Variants in COL8A1 observed in about 807,000 individuals in gnomAD.
The protein encoded by COL8A1 is collagen alpha-1(VIII) chain.
COL8A1 carries 21 observed loss-of-function variants against 42.7 expected under a neutral mutation model. The ratio of observed to expected loss-of-function variants is 0.49; its 90% confidence interval spans 0.35 to 0.71. The LOEUF is 0.71. Among genes scored for constraint, COL8A1 ranks in the 30% least tolerant of loss-of-function variants. COL8A1 has a pLI of 0.01. For synonymous variants in COL8A1, 367 were observed against 369.1 expected (o/e 0.99, Z 0.06); for missense variants, 788 against 962.4 (o/e 0.82, Z 2.40).
chr3:99,667,021 T>C (rs1938387362), intron 1 of COL8A1, among the ~76,000 whole-genome samples: 1 of 152,220 alleles, frequency 6.6e-6, no homozygotes, highest in African/African-American at 2.4e-5. Context: ...ATTATATGTA[T>C]ATGAAAAGAA....
rs1018608962 is a variant in COL8A1 at position 99,794,028 on chromosome 3, A to G, written c.329-202A>G. The stretch of plus-strand genomic sequence containing the variant: ...GGGCCTCCCAAAGTTGTAGGATTAC[A>G]GGCACGAGCCACCATGCCAGGCCTG... On this transcript the variant is annotated intron_variant, in intron 3 of 3. Coordinates refer to ENST00000652472, the MANE Select transcript of COL8A1 (RefSeq NM_020351.4). The surrounding 1 kb of genome is among the most constrained non-coding windows in gnomAD (Gnocchi z 4.3). 3.3e-5 allele frequency among the ~76,000 whole-genome samples: 5 copies of G among 152,232 alleles called. No individual in the cohort carries two copies. The highest frequency in any genetic ancestry group is 6.5e-5 in the Admixed American group (1 of 15,286).
intron 1 of COL8A1, among the ~76,000 whole-genome samples, chr3:99,744,212 C>G (rs376958000): frequency 1.3e-5 from 2 of 152,160 alleles, no homozygotes; most frequent in African/African-American, 4.8e-5. Context: ...TTACAGGCGT[C>G]AGCCACCGTG....
At chr3:99,736,029 G>T (rs1480162087) in intron 1 of COL8A1, among the ~76,000 whole-genome samples, 1 of 97,376 alleles carries the variant, frequency 1.0e-5, no homozygotes, top group Non-Finnish European at 2.1e-5. Flanking sequence ...GCATCTATTT[G>T]ATTCTTCTCT....
intron 2 of COL8A1, among the ~76,000 whole-genome samples, chr3:99,762,252 C>T (rs578016435): frequency 1.6e-4 from 25 of 152,298 alleles, no homozygotes; most frequent in African/African-American, 4.8e-4. Flanking sequence ...AAGAAAATCA[C>T]GCACATTTTA....
Position 99,688,582 on chromosome 3 carries a change from T to TTG in COL8A1, c.-129+49919_-129+49920dup, listed in dbSNP as rs1277921286. 9.9e-5 allele frequency among the ~76,000 whole-genome samples: 15 copies of TTG among 152,266 alleles called. No individual in the cohort carries two copies. In the East Asian group the frequency reaches 1.2e-3, roughly 12 times the overall value. On this transcript the variant is annotated intron_variant, in intron 1 of 3. Transcript: ENST00000652472. ...ACTTAATACACCTGCAAAGTCCCCT[T>TTG]TGCCATGGAAAACAATATATTCATA...
chr3:99,640,498 C>T (rs909853322), intron 1 of COL8A1, among the ~76,000 whole-genome samples: 1 of 152,146 alleles, frequency 6.6e-6, no homozygotes, highest in Non-Finnish European at 1.5e-5. Flanking sequence ...GGGAAATGCT[C>T]CCAGTTTAAA....
rs1224806651 is a variant in COL8A1 at position 99,795,797 on chromosome 3, A to C, written c.1896A>C (p.Pro632=). The part of the protein sequence containing the change: ...LTAPFPPVGA[P]VKFNKLLYNG... The stretch of plus-strand genomic sequence containing the variant: ...CACCTTTCCCACCGGTGGGGGCCCC[A>C]GTGAAGTTTAACAAACTGCTGTATA... Residue 632 remains proline (P), a synonymous_variant, in exon 4 of 4, where the codon CCA becomes CCC. Transcript: ENST00000652472. 3 of 1,614,166 alleles carry C rather than the reference A, an allele frequency of 1.9e-6. No individual in the cohort carries two copies. In the South Asian group the frequency reaches 3.3e-5, roughly 18 times the overall value.
intron 2 of COL8A1, among the ~76,000 whole-genome samples, chr3:99,769,583 T>A (rs1287002227): frequency 6.6e-6 from 1 of 152,206 alleles, no homozygotes; most frequent in East Asian, 1.9e-4. Context: ...CAAAGTACTA[T>A]CTTTTCTTTA....
intron 2 of COL8A1, among the ~76,000 whole-genome samples, chr3:99,783,738 G>A (rs149340354): frequency 7.9e-5 from 12 of 152,352 alleles, no homozygotes; most frequent in East Asian, 1.9e-4. Context: ...GCACGTGCGC[G>A]CAAGGTGCGG....
At chr3:99,758,134 A>G (rs558449939) in intron 2 of COL8A1, among the ~76,000 whole-genome samples, 2 of 152,220 alleles carry the variant, frequency 1.3e-5, no homozygotes, top group Non-Finnish European at 2.9e-5. Context: ...CACTTTAAAA[A>G]TAGGTATGAG....
intron 1 of COL8A1, among the ~76,000 whole-genome samples, chr3:99,685,842 T>C (rs1939033005): frequency 6.6e-6 from 1 of 152,232 alleles, no homozygotes; most frequent in Non-Finnish European, 1.5e-5. Context: ...ATGAATATAA[T>C]AGTCAGACTA....
At chr3:99,690,574 A>C (rs1939187414) in intron 1 of COL8A1, among the ~76,000 whole-genome samples, 1 of 152,222 alleles carries the variant, frequency 6.6e-6, no homozygotes, top group Non-Finnish European at 1.5e-5. Flanking sequence ...GACTCAAAAA[A>C]TATTATTGGA....
chr3:99,745,441 CAT>C (rs1383168657), intron 2 of COL8A1, among the ~76,000 whole-genome samples: 1 of 152,142 alleles, frequency 6.6e-6, no homozygotes, highest in Non-Finnish European at 1.5e-5. Context: ...AGATTTGTAA[CAT>C]AAATAATTCC....
chr3:99,694,471 A>T (rs1412973698), intron 1 of COL8A1, among the ~76,000 whole-genome samples: 1 of 152,118 alleles, frequency 6.6e-6, no homozygotes, highest in East Asian at 1.9e-4. Flanking sequence ...GTGAGACTCC[A>T]TCTCAAAAAA....
Position 99,794,931 on chromosome 3 carries a change from C to T in COL8A1, c.1030C>T (p.Pro344Ser), listed in dbSNP as rs763598572. The change falls in exon 4 of 4, where the codon CCC (proline) becomes TCC (serine). Residue 344 changes from proline (P) to serine (S), a missense_variant. Transcript: ENST00000652472. The surrounding 1 kb of genome is among the most constrained non-coding windows in gnomAD (Gnocchi z 4.3). ...GEQGLPGLPGPPGLPGIGKPG... is the reference protein window; with the variant it reads ...GEQGLPGLPGSPGLPGIGKPG... ...GCAAGGACTGCCAGGGCTACCAGGA[C>T]CCCCAGGCCTTCCAGGGATTGGGAA... 8.8e-6 allele frequency: 14 copies of T among 1,594,244 alleles called. No individual in the cohort carries two copies. Among genetic ancestry groups the T allele is most frequent in the Admixed American group, 3.5e-5 (2 of 56,756 alleles).
intron 1 of COL8A1, among the ~76,000 whole-genome samples, chr3:99,736,804 G>A (rs1379225959): frequency 7.9e-5 from 12 of 151,294 alleles, no homozygotes; most frequent in Admixed American, 3.3e-4. Context: ...TTTCTGTCTC[G>A]TTGATCTGTC....
At chr3:99,700,255 C>T (rs1939496499) in intron 1 of COL8A1, among the ~76,000 whole-genome samples, 1 of 151,960 alleles carries the variant, frequency 6.6e-6, no homozygotes, top group Non-Finnish European at 1.5e-5. Context: ...TGTAACAAAC[C>T]TGCACGTTCT....
intron 1 of COL8A1, among the ~76,000 whole-genome samples, chr3:99,701,791 A>G (rs116222563): frequency 0.013 from 2,037 of 152,266 alleles, 37 homozygotes; most frequent in African/African-American, 0.046. Flanking sequence ...AAATATTAAT[A>G]TTTCTTAATT....
At chr3:99,658,816 C>G (rs1254120724) in intron 1 of COL8A1, among the ~76,000 whole-genome samples, 1 of 152,166 alleles carries the variant, frequency 6.6e-6, no homozygotes, top group African/African-American at 2.4e-5. Context: ...AAGACAGGCC[C>G]TTAGCAATAA....
Sources: allele counts gnomAD v4.1 joint callset (sites outside exome capture counted in the v4.1 genomes callset), GRCh38; gene constraint gnomAD v4.1.1; non-coding constraint Gnocchi (gnomAD v3.1); transcripts MANE v1.5; gene names NCBI Gene and HGNC (gene_info 2026-07-23, HGNC 2026-07-21).